The following MDGA2 variants were observed in gnomAD, a reference collection of about 807,000 sequenced individuals.
MDGA2 encodes the protein MAM domain-containing glycosylphosphatidylinositol anchor protein 2.
A neutral mutation model predicts 117.8 loss-of-function variants in MDGA2; 40 were observed. That is an observed-to-expected ratio of 0.34 (90% CI 0.26 to 0.44). The LOEUF is 0.44. Among genes scored for constraint, MDGA2 ranks in the 20% least tolerant of loss-of-function variants. The pLI, the probability that MDGA2 is intolerant of heterozygous loss-of-function variation, is 1.00. For missense variants in MDGA2, 1,123 were observed against 1,250.6 expected, an observed-to-expected ratio of 0.90 and a Z score of 1.54; for synonymous variants, 452 against 439.0, an observed-to-expected ratio of 1.03 and a Z score of -0.37.
chr14:47,385,360 T>C (rs1183619168), intron 1 of MDGA2, among the ~76,000 whole-genome samples: 2 of 151,944 alleles, frequency 1.3e-5, no homozygotes, highest in Non-Finnish European at 2.9e-5. Context: ...TTAGTAAAAA[T>C]TGAAAAATAA....
intron 1 of MDGA2, among the ~76,000 whole-genome samples, chr14:47,542,891 T>C (rs1895380927): frequency 6.6e-6 from 1 of 152,212 alleles, no homozygotes; most frequent in Non-Finnish European, 1.5e-5. Context: ...TACAAAGATG[T>C]GTCAGACACT....
At chr14:47,088,674 A>G (rs573613982) in intron 6 of MDGA2, among the ~76,000 whole-genome samples, 1 of 152,306 alleles carries the variant, frequency 6.6e-6, no homozygotes, top group Non-Finnish European at 1.5e-5. Flanking sequence ...TAATAGCTTA[A>G]GATATATACC....
intron 5 of MDGA2, among the ~76,000 whole-genome samples, chr14:47,110,883 T>A (rs1161838613): frequency 2.0e-5 from 3 of 152,208 alleles, no homozygotes; most frequent in Non-Finnish European, 2.9e-5. Flanking sequence ...ATCAGGGGAT[T>A]AATTAGCTAG....
At position 47,018,593 on chromosome 14, in the gene MDGA2, T is replaced by C. The variant is rs940174766; in HGVS notation, c.1819+16418A>G. Among the ~76,000 whole-genome samples the C allele has an allele frequency of 9.2e-5, 14 of 151,762 alleles. No individual in the cohort carries two copies. In the South Asian group the frequency reaches 2.9e-3, roughly 32 times the overall value. On this transcript the variant is annotated intron_variant, in intron 8 of 16. Transcript: ENST00000399232. The stretch of plus-strand genomic sequence containing the variant: ...GAAAATTATAATTGCTAAAGGATGA[T>C]AGCAAAGTAGATACTGAGAACACAG...
chr14:47,601,096 C>T (rs1213485042), intron 1 of MDGA2, among the ~76,000 whole-genome samples: 1 of 152,100 alleles, frequency 6.6e-6, no homozygotes, highest in Non-Finnish European at 1.5e-5. Flanking sequence ...AAATCCTAAG[C>T]ATCTTAATTT....
chr14:47,447,093 C>T (rs1418785746), intron 1 of MDGA2, among the ~76,000 whole-genome samples: 5 of 152,146 alleles, frequency 3.3e-5, no homozygotes, highest in African/African-American at 2.4e-5. Context: ...GAAATATTTT[C>T]CTATTACTTC....
intron 1 of MDGA2, among the ~76,000 whole-genome samples, chr14:47,592,423 T>C (rs560733153): frequency 4.6e-5 from 7 of 151,942 alleles, no homozygotes; most frequent in African/African-American, 1.7e-4. Context: ...ACAGAGCCTG[T>C]ATAGCCAAGA....
At chr14:47,138,745 C>G (rs1001046773) in intron 4 of MDGA2, among the ~76,000 whole-genome samples, 3 of 151,950 alleles carry the variant, frequency 2.0e-5, no homozygotes, top group Non-Finnish European at 2.9e-5. Flanking sequence ...TAAAGTCTGT[C>G]AATTTAGATT....
chr14:46,920,221 T>C (rs1482381939), intron 9 of MDGA2, 61 bp from the exon 10 acceptor site: 5 of 1,481,916 alleles, frequency 3.4e-6, no homozygotes, highest in Non-Finnish European at 4.5e-6. Flanking sequence ...AGCATACTTA[T>C]TCCCTTTGGC....
chr14:47,364,378 C>T (rs1160114920), intron 1 of MDGA2, among the ~76,000 whole-genome samples: 3 of 152,174 alleles, frequency 2.0e-5, no homozygotes, highest in Non-Finnish European at 4.4e-5. Flanking sequence ...CATTCTCCTG[C>T]CTCAGCCTCC....
At chr14:47,265,236 C>T (rs1430956095) in intron 2 of MDGA2, among the ~76,000 whole-genome samples, 3 of 152,116 alleles carry the variant, frequency 2.0e-5, no homozygotes, top group Non-Finnish European at 2.9e-5. Flanking sequence ...ATTTGTAATA[C>T]AGTAAAAGAA....
chr14:47,310,387 T>A (rs186881975), intron 1 of MDGA2, among the ~76,000 whole-genome samples: 1 of 152,286 alleles, frequency 6.6e-6, no homozygotes, highest in Non-Finnish European at 1.5e-5. Flanking sequence ...TGTCTCTACC[T>A]GGCTGTTCCC....
intron 3 of MDGA2, among the ~76,000 whole-genome samples, chr14:47,145,517 T>C (rs1332427824): frequency 1.3e-5 from 2 of 152,196 alleles, no homozygotes; most frequent in African/African-American, 2.4e-5. Context: ...AGCAAGCTTT[T>C]AGTTCCATGT....
intron 1 of MDGA2, among the ~76,000 whole-genome samples, chr14:47,545,361 G>A (rs1456456875): frequency 6.6e-6 from 1 of 152,054 alleles, no homozygotes; most frequent in East Asian, 1.9e-4. Context: ...TCCATTTTGT[G>A]GTCAGATAGA....
chr14:47,272,243 T>G (rs1888170189), intron 2 of MDGA2, among the ~76,000 whole-genome samples: 1 of 152,092 alleles, frequency 6.6e-6, no homozygotes, highest in Non-Finnish European at 1.5e-5. Flanking sequence ...GCTGCCTCAC[T>G]TACCATCACA....
chr14:47,475,865 T>C (rs1893825550), intron 1 of MDGA2, among the ~76,000 whole-genome samples: 1 of 152,250 alleles, frequency 6.6e-6, no homozygotes, highest in Middle Eastern at 3.4e-3. Context: ...AAAGGCATGC[T>C]GGACTTAATA....
chr14:47,627,340 T>G (rs1897165669), intron 1 of MDGA2, among the ~76,000 whole-genome samples: 2 of 151,770 alleles, frequency 1.3e-5, no homozygotes, highest in African/African-American at 4.9e-5. Flanking sequence ...GGTTTGTGAA[T>G]GCACCAACTG....
At chr14:47,517,736 C>T (rs1054341397) in intron 1 of MDGA2, among the ~76,000 whole-genome samples, 2 of 152,102 alleles carry the variant, frequency 1.3e-5, no homozygotes, top group South Asian at 4.1e-4. Flanking sequence ...ACTCAAACAT[C>T]ATGAAGAATA....
intron 1 of MDGA2, among the ~76,000 whole-genome samples, chr14:47,545,195 G>A (rs1895437092): frequency 6.6e-6 from 1 of 152,210 alleles, no homozygotes; most frequent in Non-Finnish European, 1.5e-5. Flanking sequence ...TTTAATACTT[G>A]TGCAAAAAAA....
Sources: allele counts gnomAD v4.1 joint callset (sites outside exome capture counted in the v4.1 genomes callset), GRCh38; gene constraint gnomAD v4.1.1; transcripts MANE v1.5; gene names NCBI Gene and HGNC (gene_info 2026-07-23, HGNC 2026-07-21).